DIP2C: variants seen among roughly 807,000 people sequenced by gnomAD.
The protein encoded by DIP2C is DIP2 acetate--CoA ligase C (putative).
A neutral mutation model predicts 192.4 loss-of-function variants in DIP2C; 33 were observed. The ratio of observed to expected loss-of-function variants is 0.17; its 90% CI spans 0.13 to 0.23. The LOEUF is 0.23. DIP2C is among the 10% of genes least tolerant of loss of function. DIP2C has a pLI of 1.00. For synonymous variants in DIP2C, 979 were observed against 864.1 expected, an observed-to-expected ratio of 1.13 and a Z score of -2.33; for missense variants, 1,537 against 2,110.1, an observed-to-expected ratio of 0.73 and a Z score of 5.32.
At position 398,004 on chromosome 10, in the gene DIP2C, G is replaced by T. The variant is rs76237544; in HGVS notation, c.1260+1105C>A. On this transcript the variant is annotated intron_variant, in intron 10 of 36. Coordinates refer to ENST00000280886, the MANE Select transcript of DIP2C (RefSeq NM_014974.3). ...CCAGACTGACAAAGCTGACTCTCTG[G>T]AGCAATAAGATACCAACATGACAAA... is the stretch of plus-strand genomic sequence containing the variant. 6.0e-3 allele frequency among the ~76,000 whole-genome samples: 909 copies of T among 152,258 alleles called. 3 individuals carry two copies. The highest frequency in any genetic ancestry group is 0.014 in the Middle Eastern group (4 of 294).
At chr10:523,524 C>CGGATGCAAAGGACCCTGGAG (rs1846860211) in intron 1 of DIP2C, among the ~76,000 whole-genome samples, 1 of 141,752 alleles carries the variant, frequency 7.1e-6, no homozygotes, top group African/African-American at 2.6e-5. Flanking sequence ...TCGTTTCTAC[C>CGGATGCAAAGGACCCTGGAG]TGAGCAAAGG....
In DIP2C at chr10:384,401, C is replaced by G. The variant is rs117888814; in HGVS notation, c.1756+145G>C. On this transcript the variant is annotated intron_variant, in intron 15 of 36. Transcript: ENST00000280886. ...TATAGGCATGCGCCATCAGGCCTGG[C>G]TAATTTTTGTATTATTAGTAGAAAC... The G allele has an allele frequency of 6.6e-3, 5,890 of 897,970 alleles. 97 individuals carry two copies. Among genetic ancestry groups the G allele is most frequent in the South Asian group, 0.037 (2,184 of 59,152 alleles). The allele number at this position is 897,970 out of a possible 1,614,324, so 55.6% of individuals were successfully genotyped here. A position where few individuals can be genotyped will look rare whatever the true frequency, so the allele number is the denominator to read the frequency against.
intron 31 of DIP2C, among the ~76,000 whole-genome samples, chr10:323,384 T>TCTGAGAGCAGACACCC (rs1564554114): frequency 1.1e-5 from 1 of 93,074 alleles, no homozygotes; most frequent in African/African-American, 4.5e-5. Context: ...GAACAGTCAG[T>TCTGAGAGCAGACACCC]CGGGGGTGCG....
intron 24 of DIP2C, among the ~76,000 whole-genome samples, chr10:352,559 A>G (rs1958874406): frequency 1.3e-5 from 2 of 152,210 alleles, no homozygotes; most frequent in Non-Finnish European, 2.9e-5. Context: ...AGACAGGCAC[A>G]CGATTTCACA....
At chr10:465,601 CCT>C (rs1970135738) in intron 3 of DIP2C, among the ~76,000 whole-genome samples, 1 of 151,976 alleles carries the variant, frequency 6.6e-6, no homozygotes, top group African/African-American at 2.4e-5. Flanking sequence ...TCAAATTGTC[CCT>C]GTTTGCAGAC....
chr10:576,742 G>A (rs186218031), intron 1 of DIP2C, among the ~76,000 whole-genome samples: 5 of 152,052 alleles, frequency 3.3e-5, no homozygotes, highest in East Asian at 3.9e-4. Context: ...ACCCCATCTC[G>A]ACTAAAAATA....
intron 3 of DIP2C, among the ~76,000 whole-genome samples, chr10:470,785 G>A (rs553192016): frequency 1.1e-4 from 16 of 152,340 alleles, no homozygotes; most frequent in South Asian, 2.1e-4. Context: ...GAGCGACCCC[G>A]TGTGATCGTC....
intron 9 of DIP2C, among the ~76,000 whole-genome samples, chr10:405,840 G>C (rs1345109715): frequency 1.3e-5 from 2 of 152,146 alleles, no homozygotes; most frequent in African/African-American, 4.8e-5. Flanking sequence ...TCACACAGCC[G>C]GCCCTGCTGT....
Position 599,743 on chromosome 10 carries a change from C to A in DIP2C, c.85+89751G>T, listed in dbSNP as rs186955131. Among the ~76,000 whole-genome samples, 210 of 150,004 alleles carry A rather than the reference C, an allele frequency of 1.4e-3. 2 individuals are homozygous for A. Among genetic ancestry groups the A allele is most frequent in the Non-Finnish European group, 1.8e-4 (12 of 67,770 alleles). On this transcript the variant is annotated intron_variant, in intron 1 of 36. Coordinates refer to ENST00000280886, the MANE Select transcript of DIP2C (RefSeq NM_014974.3). ...ACTGCAACCCTCATGTCCCAACGGG[C>A]CCTTTTTTAAGATTCCGGATGTAAA...
chr10:405,056 C>T (rs1354525392), intron 9 of DIP2C, among the ~76,000 whole-genome samples: 2 of 152,210 alleles, frequency 1.3e-5, no homozygotes, highest in South Asian at 2.1e-4. Context: ...GTTGAAGTTC[C>T]ATCCAAAACT....
rs1479463348 is a variant in DIP2C at position 417,953 on chromosome 10, TCCACCTGCACCTG to T, written c.739+1099_739+1111del. On this transcript the variant is annotated intron_variant, in intron 6 of 36. Coordinates refer to ENST00000280886, the MANE Select transcript of DIP2C (RefSeq NM_014974.3). ...GTCAGGGCTTCGATAGGCCTCCCTG[TCCACCTGCACCTG>T]TCAGGGCTCGGATAGGCCTCCCTGT... Among the ~76,000 whole-genome samples the T allele has an allele frequency of 3.4e-4, 37 of 107,774 alleles. 8 individuals are homozygous for T. Among genetic ancestry groups the T allele is most frequent in the African/African-American group, 1.3e-3 (34 of 26,564 alleles). 70.7% of individuals were successfully genotyped at this position (107,774 alleles called of 152,430 possible).
At chr10:289,958 G>C (rs1316782718) in intron 32 of DIP2C, among the ~76,000 whole-genome samples, 1 of 152,222 alleles carries the variant, frequency 6.6e-6, no homozygotes, top group East Asian at 1.9e-4. Context: ...TGAGGCCACA[G>C]GACAATTCCT....
intron 17 of DIP2C, among the ~76,000 whole-genome samples, chr10:373,732 G>T (rs985867724): frequency 1.3e-5 from 2 of 152,136 alleles, no homozygotes; most frequent in South Asian, 4.2e-4. Flanking sequence ...TCCCAGGGTC[G>T]ATTGTATCCT....
chr10:356,225 A>G (rs1447871006), intron 24 of DIP2C: 5 of 657,872 alleles, frequency 7.6e-6, no homozygotes, highest in Non-Finnish European at 1.4e-5. Flanking sequence ...TGTACACACA[A>G]ATAGGTGTAA....
chr10:522,029 G>A (rs1048318095), intron 1 of DIP2C, among the ~76,000 whole-genome samples: 5 of 151,904 alleles, frequency 3.3e-5, no homozygotes, highest in African/African-American at 1.2e-4. Flanking sequence ...GATCCCCCAT[G>A]ACAGCCCCAC....
chr10:452,790 C>A (rs557404458), intron 3 of DIP2C, among the ~76,000 whole-genome samples: 80 of 152,280 alleles, frequency 5.3e-4, no homozygotes, highest in Admixed American at 2.5e-3. Flanking sequence ...CTTAAAAGGC[C>A]GCATGTCCAC....
intron 23 of DIP2C, among the ~76,000 whole-genome samples, 163 bp from the exon 24 acceptor site, chr10:356,669 A>G (rs1201586458): frequency 1.3e-5 from 2 of 152,198 alleles, no homozygotes; most frequent in Admixed American, 6.5e-5. Context: ...TGCTGGGAAA[A>G]TCCCCGTCAC....
At chr10:301,895 C>A (rs1361917927) in intron 32 of DIP2C, among the ~76,000 whole-genome samples, 2 of 152,182 alleles carry the variant, frequency 1.3e-5, no homozygotes, top group East Asian at 3.9e-4. Flanking sequence ...AGATTGTGTC[C>A]AAATACCACA....
chr10:456,302 G>A (rs1309899139), intron 3 of DIP2C, among the ~76,000 whole-genome samples: 2 of 126,340 alleles, frequency 1.6e-5, no homozygotes, highest in Non-Finnish European at 3.2e-5. Flanking sequence ...AGGCCATGAG[G>A]AGTAAATGAG....
Sources: allele counts gnomAD v4.1 joint callset (sites outside exome capture counted in the v4.1 genomes callset), GRCh38; gene constraint gnomAD v4.1.1; transcripts MANE v1.5; gene names NCBI Gene and HGNC (gene_info 2026-07-23, HGNC 2026-07-21).